PACRGL: variants seen among roughly 807,000 people sequenced by gnomAD.
The protein encoded by PACRGL is PACRG-like protein.
A neutral mutation model predicts 34.5 loss-of-function variants in PACRGL; 38 were observed. That is an observed-to-expected ratio of 1.10 (90% CI 0.85 to 1.44). The LOEUF is 1.44. PACRGL is among the 40% of genes most tolerant of loss of function. The probability of loss-of-function intolerance (pLI) is 0.00; values close to 1 mark genes in which losing one functional copy is unlikely to be tolerated. For synonymous variants in PACRGL, 128 were observed against 100.1 expected (o/e 1.28, Z -1.66); for missense variants, 305 against 281.4 (o/e 1.08, Z -0.60).
intron 8 of PACRGL, among the ~76,000 whole-genome samples, chr4:20,738,481 C>A (rs968824878): frequency 6.6e-6 from 1 of 152,152 alleles, no homozygotes; most frequent in Non-Finnish European, 1.5e-5. Flanking sequence ...CTGACACATT[C>A]CAAGGGGAAG....
downstream of PACRGL, among the ~76,000 whole-genome samples, chr4:20,753,904 T>TCA (rs1754064100): frequency 1.5e-5 from 1 of 66,338 alleles, no homozygotes. Flanking sequence ...TTGAGCTCAT[T>TCA]TGTTCATTCA....
chr4:20,718,500 G>T (rs567433187), intron 7 of PACRGL, among the ~76,000 whole-genome samples: 1 of 152,080 alleles, frequency 6.6e-6, no homozygotes, highest in Non-Finnish European at 1.5e-5. Flanking sequence ...TTTGAGATAC[G>T]TCCCATCAAT....
Position 20,731,800 on chromosome 4 carries a change from A to G in PACRGL, c.*4459A>G, listed in dbSNP as rs1560403472. On this transcript the variant is annotated 3_prime_UTR_variant, in exon 9 of 9. Transcript: ENST00000503585. ...CTTTTGTATCCCCAGGGTTTCCTCC[A>G]TAGCCTGACTCAGTGGGCACTCTAA... 1 of 985,416 alleles carries G rather than the reference A, an allele frequency of 1.0e-6. No homozygotes were observed. Among genetic ancestry groups the G allele is most frequent in the Non-Finnish European group, 1.2e-6 (1 of 829,924 alleles). The allele number at this position is 985,416 out of a possible 1,614,324, so 61.0% of individuals were successfully genotyped here. A position where few individuals can be genotyped will look rare whatever the true frequency, so the allele number is the denominator to read the frequency against.
At chr4:20,706,581 C>G (rs1446739644) in intron 3 of PACRGL, among the ~76,000 whole-genome samples, 2 of 145,038 alleles carry the variant, frequency 1.4e-5, no homozygotes, top group African/African-American at 5.0e-5. Context: ...GGAAATGAAT[C>G]TTTTTTTTTT....
downstream of PACRGL, among the ~76,000 whole-genome samples, chr4:20,756,786 A>C (rs377405893): frequency 1.3e-5 from 2 of 151,838 alleles, no homozygotes; most frequent in African/African-American, 2.4e-5. Flanking sequence ...TGAACTATCT[A>C]TCTCTCTTGT....
chr4:20,741,701 G>T lies in PACRGL; in HGVS notation c.*57-10864G>T, dbSNP rs189444784. Among the ~76,000 whole-genome samples the T allele has an allele frequency of 8.3e-3, 1,257 of 152,160 alleles. 14 individuals are homozygous for T. Among genetic ancestry groups the T allele is most frequent in the African/African-American group, 0.028 (1,168 of 41,502 alleles). On this transcript the variant is annotated intron_variant, in intron 8 of 8. Transcript: ENST00000507634. The stretch of plus-strand genomic sequence containing the variant: ...AAACACATTCAAAAGCTAGCAGAAG[G>T]CAAGAAATAACTAAGAGCAGAGCAG...
At chr4:20,723,908 T>C (rs1744526168) in intron 7 of PACRGL, among the ~76,000 whole-genome samples, 1 of 152,150 alleles carries the variant, frequency 6.6e-6, no homozygotes, top group African/African-American at 2.4e-5. Context: ...CCACTGAGGA[T>C]GTCAATGAGG....
chr4:20,719,952 T>C (rs975801205), intron 7 of PACRGL, among the ~76,000 whole-genome samples: 6 of 152,112 alleles, frequency 3.9e-5, no homozygotes, highest in Admixed American at 3.9e-4. Context: ...CCATTATTAT[T>C]GTGTGGGAGT....
At chr4:20,709,991 A>G (rs1736367314) in intron 5 of PACRGL, among the ~76,000 whole-genome samples, 2 of 152,188 alleles carry the variant, frequency 1.3e-5, no homozygotes, top group Admixed American at 6.5e-5. Flanking sequence ...ATTAGTCTGC[A>G]TAGGGATTTG....
intron 8 of PACRGL, among the ~76,000 whole-genome samples, chr4:20,742,288 C>T (rs900747716): frequency 1.3e-5 from 2 of 152,168 alleles, no homozygotes; most frequent in African/African-American, 4.8e-5. Flanking sequence ...AGACCAATAT[C>T]CCTGCTGAAC....
chr4:20,706,726 C>T (rs1734653242), intron 3 of PACRGL, among the ~76,000 whole-genome samples: 1 of 152,046 alleles, frequency 6.6e-6, no homozygotes, highest in Non-Finnish European at 1.5e-5. Flanking sequence ...CAGGCACCCG[C>T]CACCATCCTG....
At position 20,728,579 on chromosome 4, in the gene PACRGL, C is replaced by A. The variant is rs1029060201; in HGVS notation, c.*1238C>A. 6.6e-6 allele frequency: 1 copy of A among 152,512 alleles called. No homozygotes were observed. The highest frequency in any genetic ancestry group is 2.4e-5 in the African/African-American group (1 of 41,444). The allele number at this position is 152,512 out of a possible 1,614,324, so 9.4% of individuals were successfully genotyped here. On this transcript the variant is annotated 3_prime_UTR_variant, in exon 9 of 9. Transcript: ENST00000503585. ...TAAGATTTAATTAATTACAAAATTT[C>A]TTGGAAAAGACCTGTAACATAGACA... is the stretch of plus-strand genomic sequence containing the variant.
chr4:20,756,171 G>T (rs1358046477), downstream of PACRGL, among the ~76,000 whole-genome samples: 1 of 135,632 alleles, frequency 7.4e-6, no homozygotes, highest in Admixed American at 7.2e-5. Flanking sequence ...GTGGAAAGTA[G>T]TAAAAAAAAA....
intron 8 of PACRGL, among the ~76,000 whole-genome samples, chr4:20,749,952 T>C (rs1232218186): frequency 7.2e-5 from 11 of 152,186 alleles, no homozygotes. Context: ...AAACATTCTC[T>C]ATGAGTTTCT....
At chr4:20,757,736 A>G (rs1473655128), downstream of PACRGL, among the ~76,000 whole-genome samples, 1 of 152,192 alleles carries the variant, frequency 6.6e-6, no homozygotes, top group Non-Finnish European at 1.5e-5. Context: ...AAATGGATCA[A>G]ACTCTCTGCA....
chr4:20,721,325 C>T (rs1011616196), intron 7 of PACRGL, among the ~76,000 whole-genome samples: 3 of 152,208 alleles, frequency 2.0e-5, no homozygotes, highest in Non-Finnish European at 2.9e-5. Context: ...TTTGTCACCT[C>T]GTCAAAGTCA....
At chr4:20,750,925 T>A (rs1015627742) in intron 8 of PACRGL, among the ~76,000 whole-genome samples, 1 of 152,212 alleles carries the variant, frequency 6.6e-6, no homozygotes. Flanking sequence ...TTTTACTTTA[T>A]GAATTGCTTT....
the PACRGL span, among the ~76,000 whole-genome samples, chr4:20,764,367 A>T: frequency 6.6e-6 from 1 of 152,116 alleles, no homozygotes; most frequent in Non-Finnish European, 1.5e-5. Flanking sequence ...ATTTTTAGTG[A>T]CTGCATAATA....
intron 8 of PACRGL, chr4:20,749,726 G>T (rs2149338008): frequency 6.2e-7 from 1 of 1,605,264 alleles, no homozygotes; most frequent in East Asian, 2.2e-5. Context: ...TGCATATGTT[G>T]TAGAGTCTGA....
Sources: allele counts gnomAD v4.1 joint callset (sites outside exome capture counted in the v4.1 genomes callset), GRCh38; gene constraint gnomAD v4.1.1; transcripts MANE v1.5; gene names NCBI Gene and HGNC (gene_info 2026-07-23, HGNC 2026-07-21).